Variants in SEMA5A observed in about 807,000 individuals in gnomAD.
SEMA5A encodes semaphorin 5A, also known as semaphorin-5A.
In SEMA5A, 55 loss-of-function variants were observed where a neutral mutation model predicts 135.5. The ratio of observed to expected loss-of-function variants is 0.41; its 90% CI spans 0.33 to 0.51. SEMA5A has a LOEUF of 0.51. Among genes scored for constraint, SEMA5A ranks in the 20% least tolerant of loss-of-function variants. SEMA5A has a pLI of 0.37. For synonymous variants in SEMA5A, 580 were observed against 546.5 expected, an observed-to-expected ratio of 1.06 and a Z score of -0.85; for missense variants, 1,290 against 1,419.9, an observed-to-expected ratio of 0.91 and a Z score of 1.47.
chr5:9,370,438 C>T (rs1482654112), intron 3 of SEMA5A, among the ~76,000 whole-genome samples: 2 of 152,154 alleles, frequency 1.3e-5, no homozygotes, highest in Admixed American at 6.5e-5. Context: ...TGGATGACAG[C>T]ATGAGTCTGG....
At chr5:9,414,887 G>A (rs1400822184) in intron 2 of SEMA5A, among the ~76,000 whole-genome samples, 4 of 152,182 alleles carry the variant, frequency 2.6e-5, no homozygotes, top group Non-Finnish European at 5.9e-5. Context: ...ATGACTGATT[G>A]AAACAACATA....
At position 9,379,888 on chromosome 5, in the gene SEMA5A, G is replaced by A. The variant is rs1213010525; in HGVS notation, c.59C>T (p.Ala20Val). The change falls in exon 3 of 23, where the codon GCC (alanine) becomes GTC (valine). Residue 20 changes from alanine to valine, a missense_variant. Physicochemically the swap from Ala to Val is moderately conservative, Grantham distance 64. Transcript: ENST00000382496. ...LFSSLGLWRL[A>V]HPEAQGTTQC... ...AGTCGTACCCTGGGCCTCTGGGTGG[G>A]CGAGTCTCCACAGCCCCAGGCTTGA... 6.2e-7 allele frequency: 1 copy of A among 1,614,022 alleles called. No homozygotes were observed. The highest frequency in any genetic ancestry group is 1.1e-5 in the South Asian group (1 of 91,048).
intron 15 of SEMA5A, among the ~76,000 whole-genome samples, chr5:9,117,739 A>G (rs1740597159): frequency 6.6e-6 from 1 of 152,202 alleles, no homozygotes; most frequent in African/African-American, 2.4e-5. Context: ...CCTAGGTGAC[A>G]ATTCATAGCA....
chr5:9,167,063 G>C (rs1227059159), intron 11 of SEMA5A, among the ~76,000 whole-genome samples: 1 of 152,116 alleles, frequency 6.6e-6, no homozygotes, highest in East Asian at 1.9e-4. Context: ...TCTATGCTAA[G>C]CACTTTTGCA....
intron 2 of SEMA5A, among the ~76,000 whole-genome samples, chr5:9,424,671 T>TTC (rs1218266816): frequency 6.6e-6 from 1 of 152,156 alleles, no homozygotes; most frequent in Non-Finnish European, 1.5e-5. Flanking sequence ...TCCCCAGGGC[T>TTC]TCTCTGTCTC....
rs377106255 is a variant in SEMA5A, at chr5:9,202,314, T to C, written c.647-74A>G. 3.3e-6 allele frequency: 5 copies of C among 1,500,178 alleles called. No individual in the cohort carries two copies. The East Asian group carries it at 1.1e-4, about 34-fold the overall frequency. 92.9% of individuals were successfully genotyped at this position (1,500,178 alleles called of 1,614,324 possible). On this transcript the variant is annotated intron_variant, in intron 8 of 22. Coordinates refer to ENST00000382496, the MANE Select transcript of SEMA5A (RefSeq NM_003966.3). ...CCTTTTGGTCTTGCCTGCTCAGTAT[T>C]TCATCCAAAGAGACGTGGTTTTGTT...
intron 5 of SEMA5A, among the ~76,000 whole-genome samples, chr5:9,274,413 T>C (rs921979703): frequency 6.6e-6 from 1 of 151,824 alleles, no homozygotes; most frequent in Non-Finnish European, 1.5e-5. Flanking sequence ...ACAGTCAATA[T>C]TAGATCAATG....
intron 1 of SEMA5A, among the ~76,000 whole-genome samples, chr5:9,469,566 T>C (rs1759399450): frequency 6.6e-6 from 1 of 152,162 alleles, no homozygotes; most frequent in Admixed American, 6.5e-5. Context: ...ATTCACTCAC[T>C]CGCTCCAGGT....
At chr5:9,078,276 G>A (rs1738179136) in intron 16 of SEMA5A, among the ~76,000 whole-genome samples, 1 of 152,150 alleles carries the variant, frequency 6.6e-6, no homozygotes, top group Non-Finnish European at 1.5e-5. Flanking sequence ...CTTGAGCAGA[G>A]GCATCTGCCT....
chr5:9,382,856 G>T (rs1579447934), intron 2 of SEMA5A, among the ~76,000 whole-genome samples: 1 of 152,232 alleles, frequency 6.6e-6, no homozygotes, highest in African/African-American at 2.4e-5. Context: ...CAGGCAGAAG[G>T]TTGAGGTCCT....
At chr5:9,081,035 G>A (rs1738352321) in intron 16 of SEMA5A, among the ~76,000 whole-genome samples, 1 of 152,168 alleles carries the variant, frequency 6.6e-6, no homozygotes, top group African/African-American at 2.4e-5. Context: ...TCTTTTGCTG[G>A]CTTTGAAGAA....
At chr5:9,348,336 A>T (rs997844225) in intron 3 of SEMA5A, among the ~76,000 whole-genome samples, 11 of 152,248 alleles carry the variant, frequency 7.2e-5, no homozygotes, top group Admixed American at 7.2e-4. Flanking sequence ...CTACTCATCC[A>T]TCAGGAAAGA....
chr5:9,201,817 C>T, intron 9 of SEMA5A, 138 bp downstream of exon 9: 2 of 784,098 alleles, frequency 2.6e-6, no homozygotes, highest in Non-Finnish European at 4.0e-6. Flanking sequence ...CTGAAAAGTC[C>T]TCTTTTTTTG....
intron 2 of SEMA5A, chr5:9,390,994 C>T (rs1756135395): frequency 6.6e-6 from 1 of 152,168 alleles, no homozygotes; most frequent in Non-Finnish European, 1.5e-5. Flanking sequence ...AAAATTTTAA[C>T]AGGTAAGTCC....
intron 5 of SEMA5A, among the ~76,000 whole-genome samples, chr5:9,314,675 CT>C (rs756658732): frequency 9.1e-4 from 139 of 151,948 alleles, no homozygotes; most frequent in South Asian, 4.4e-3. Flanking sequence ...CCAACAAGGC[CT>C]CTTTGCTGGA....
chr5:9,036,027 G>C lies in SEMA5A; in HGVS notation c.*6870C>G, dbSNP rs147107700. 6.8e-6 allele frequency: 1 copy of C among 146,512 alleles called. No homozygotes were observed. The highest frequency in any genetic ancestry group is 2.5e-5 in the African/African-American group (1 of 39,802). 9.1% of individuals were successfully genotyped at this position (146,512 alleles called of 1,614,324 possible). On this transcript the variant is annotated 3_prime_UTR_variant, in exon 23 of 23. Transcript: ENST00000382496. ...ACAAAACAGCCAACAGCAAATTAACGCAGAATGAGGCATTTAACATTTGAT... is the reference window on the plus strand; with the variant it reads ...ACAAAACAGCCAACAGCAAATTAACCCAGAATGAGGCATTTAACATTTGAT...
chr5:9,058,137 G>A (rs894926668), intron 18 of SEMA5A, among the ~76,000 whole-genome samples: 1 of 152,140 alleles, frequency 6.6e-6, no homozygotes, highest in African/African-American at 2.4e-5. Context: ...CCCCTGCTAT[G>A]TGAACTATAT....
intron 3 of SEMA5A, among the ~76,000 whole-genome samples, chr5:9,346,901 T>C (rs1753897890): frequency 7.3e-6 from 1 of 136,450 alleles, no homozygotes; most frequent in Non-Finnish European, 1.6e-5. Context: ...TATGTGTGTG[T>C]GTGTGTGTGT....
intron 1 of SEMA5A, among the ~76,000 whole-genome samples, chr5:9,464,189 G>T (rs1229789117): frequency 6.6e-6 from 1 of 152,126 alleles, no homozygotes; most frequent in Admixed American, 6.5e-5. Context: ...AAACAAAGTT[G>T]CCCCTGATTA....
Sources: allele counts gnomAD v4.1 joint callset (sites outside exome capture counted in the v4.1 genomes callset), GRCh38; gene constraint gnomAD v4.1.1; transcripts MANE v1.5; gene names NCBI Gene and HGNC (gene_info 2026-07-23, HGNC 2026-07-21).